Variants in SLIT2 observed in about 807,000 individuals in gnomAD.
The protein encoded by SLIT2 is slit homolog 2 protein.
Under a neutral mutation model 185.7 loss-of-function variants are expected in SLIT2, and 41 were observed. The observed-to-expected ratio is 0.22, with a 90% CI of 0.17 to 0.29. The LOEUF (loss-of-function observed/expected upper bound fraction) is 0.29. Ranked by LOEUF, SLIT2 falls within the 10% of genes least tolerant of loss-of-function variation. SLIT2 has a pLI of 1.00. For synonymous variants in SLIT2, 693 were observed against 680.2 expected (o/e 1.02, Z -0.29); for missense variants, 1,571 against 1,909.0 (o/e 0.82, Z 3.30).
At chr4:20,432,281 A>G (rs1729053540) in intron 4 of SLIT2, among the ~76,000 whole-genome samples, 1 of 152,138 alleles carries the variant, frequency 6.6e-6, no homozygotes, top group Non-Finnish European at 1.5e-5. Flanking sequence ...AAGGTTTGCA[A>G]TCAGTATTCA....
intron 4 of SLIT2, among the ~76,000 whole-genome samples, chr4:20,299,290 A>T (rs1716813218): frequency 6.6e-6 from 1 of 152,182 alleles, no homozygotes. Context: ...TTTAAAAAAC[A>T]TTATTTCTAA....
At chr4:20,607,943 T>C (rs1459763478) in intron 33 of SLIT2, among the ~76,000 whole-genome samples, 1 of 152,174 alleles carries the variant, frequency 6.6e-6, no homozygotes, top group African/African-American at 2.4e-5. Flanking sequence ...TTAAAACTTT[T>C]AGTAACTTGA....
intron 3 of SLIT2, among the ~76,000 whole-genome samples, chr4:20,265,165 T>C (rs184795605): frequency 5.1e-4 from 78 of 152,076 alleles, no homozygotes; most frequent in African/African-American, 1.8e-3. Flanking sequence ...AGCAAATTTC[T>C]GTCACAATTA....
intron 16 of SLIT2, among the ~76,000 whole-genome samples, chr4:20,531,247 G>A (rs1270928286): frequency 1.3e-5 from 2 of 152,112 alleles, no homozygotes; most frequent in African/African-American, 2.4e-5. Context: ...CTGATAAATG[G>A]ATAAACAAAT....
chr4:20,541,044 A>G (rs1181411254), intron 19 of SLIT2, among the ~76,000 whole-genome samples: 1 of 152,224 alleles, frequency 6.6e-6, no homozygotes, highest in Non-Finnish European at 1.5e-5. Flanking sequence ...ACTCAATAAT[A>G]TAAGGTAATC....
chr4:20,341,329 C>T (rs1263189221), intron 4 of SLIT2, among the ~76,000 whole-genome samples: 1 of 152,170 alleles, frequency 6.6e-6, no homozygotes, highest in African/African-American at 2.4e-5. Context: ...AATGTTTGTA[C>T]CATAACACCT....
At chr4:20,553,307 C>T (rs976010569) in intron 25 of SLIT2, among the ~76,000 whole-genome samples, 23 of 152,140 alleles carry the variant, frequency 1.5e-4, no homozygotes, top group African/African-American at 5.3e-4. Context: ...GTAAATACTT[C>T]TCCTACATCA....
At chr4:20,383,742 G>A (rs1373220711) in intron 4 of SLIT2, among the ~76,000 whole-genome samples, 1 of 151,872 alleles carries the variant, frequency 6.6e-6, no homozygotes, top group African/African-American at 2.4e-5. Flanking sequence ...ACTCTGTGTT[G>A]CCCAGGCTGG....
At chr4:20,610,767 G>T (rs1729148523) in intron 34 of SLIT2, among the ~76,000 whole-genome samples, 1 of 152,190 alleles carries the variant, frequency 6.6e-6, no homozygotes, top group Non-Finnish European at 1.5e-5. Flanking sequence ...AAATAGTTCT[G>T]TTCCACTAAG....
chr4:20,523,242 C>G (rs1720991629), intron 12 of SLIT2, among the ~76,000 whole-genome samples: 1 of 152,104 alleles, frequency 6.6e-6, no homozygotes, highest in Admixed American at 6.5e-5. Flanking sequence ...GAAGAGTGGG[C>G]TACAGGTCAG....
chr4:20,613,315 T>C (rs1184158227), intron 34 of SLIT2, among the ~76,000 whole-genome samples: 4 of 152,140 alleles, frequency 2.6e-5, no homozygotes, highest in Non-Finnish European at 5.9e-5. Context: ...TGAAATACCA[T>C]GCAGCCACAA....
chr4:20,337,088 TATTTTTATC>T (rs1720569998), intron 4 of SLIT2, among the ~76,000 whole-genome samples: 2 of 152,220 alleles, frequency 1.3e-5, no homozygotes, highest in African/African-American at 4.8e-5. Context: ...AGTAGTTACA[TATTTTTATC>T]ACTTTTTAGC....
At chr4:20,332,622 C>T (rs1184571135) in intron 4 of SLIT2, among the ~76,000 whole-genome samples, 1 of 151,662 alleles carries the variant, frequency 6.6e-6, no homozygotes, top group African/African-American at 2.4e-5. Context: ...TGCAGTGAGC[C>T]AATGTTGCGC....
intron 21 of SLIT2, among the ~76,000 whole-genome samples, 168 bp from the exon 22 acceptor site, chr4:20,545,863 T>G (rs1437665367): frequency 1.3e-5 from 2 of 152,080 alleles, no homozygotes; most frequent in Non-Finnish European, 2.9e-5. Flanking sequence ...TCTGCTTTTT[T>G]TTTTTCTTTA....
At chr4:20,535,973 T>A (rs114341569) in intron 18 of SLIT2, among the ~76,000 whole-genome samples, 2,130 of 152,328 alleles carry the variant, frequency 0.014, 46 homozygotes, top group African/African-American at 0.048. Context: ...CTAGGCTATA[T>A]GGCACAGCCT....
At chr4:20,473,366 G>A (rs1035362563) in intron 5 of SLIT2, among the ~76,000 whole-genome samples, 11 of 151,860 alleles carry the variant, frequency 7.2e-5, no homozygotes, top group Admixed American at 3.3e-4. Context: ...TTTAGACAAG[G>A]CTTTAAGTCA....
rs546482264 is a variant in SLIT2 at position 20,384,958 on chromosome 4, G to T, written c.396-82794G>T. ...AGATGGCATCAAAAATTGGAATGCCGTTCAGAATGCAAAAGAACTTCCAAA... is the reference window on the plus strand; with the variant it reads ...AGATGGCATCAAAAATTGGAATGCCTTTCAGAATGCAAAAGAACTTCCAAA... On this transcript the variant is annotated intron_variant, in intron 4 of 36. Transcript: ENST00000504154. Among the ~76,000 whole-genome samples the T allele has an allele frequency of 5.7e-4, 87 of 152,238 alleles. No homozygotes were observed. In the South Asian group the frequency reaches 0.015, roughly 25 times the overall value.
At chr4:20,258,260 G>A (rs1712069501) in intron 3 of SLIT2, among the ~76,000 whole-genome samples, 1 of 151,742 alleles carries the variant, frequency 6.6e-6, no homozygotes, top group Admixed American at 6.6e-5. Flanking sequence ...AGGAAGAAAG[G>A]TGGTACTTTT....
At chr4:20,464,711 T>C (rs1278854769) in intron 4 of SLIT2, among the ~76,000 whole-genome samples, 1 of 152,202 alleles carries the variant, frequency 6.6e-6, no homozygotes, top group Non-Finnish European at 1.5e-5. Flanking sequence ...AAAAATGCAG[T>C]GTGTTTCCAC....
Sources: gnomAD v4.1 joint callset for allele counts (sites outside exome capture counted in the v4.1 genomes callset) on GRCh38, gnomAD v4.1.1 for gene constraint, MANE v1.5 for transcripts, NCBI Gene and HGNC (gene_info 2026-07-23, HGNC 2026-07-21) for gene names.